GPHN: variants seen among roughly 807,000 people sequenced by gnomAD.
The protein encoded by GPHN is gephyrin.
Under a neutral mutation model 95.5 loss-of-function variants are expected in GPHN, and 17 were observed. The observed-to-expected ratio is 0.18, with a 90% CI of 0.12 to 0.27. The LOEUF is 0.27. GPHN is among the 10% of genes least tolerant of loss of function. The probability of loss-of-function intolerance (pLI) is 1.00; values close to 1 mark genes in which losing one functional copy is unlikely to be tolerated. For synonymous variants in GPHN, 320 were observed against 322.5 expected, an observed-to-expected ratio of 0.99 and a Z score of 0.08; for missense variants, 660 against 978.1, an observed-to-expected ratio of 0.67 and a Z score of 4.34.
At chr14:66,835,952 C>G (rs1288371161) in intron 4 of GPHN, among the ~76,000 whole-genome samples, 1 of 143,772 alleles carries the variant, frequency 7.0e-6, no homozygotes, top group African/African-American at 2.7e-5. Flanking sequence ...AGGATACAAA[C>G]AAATGGAAGA....
At chr14:66,580,365 A>G (rs1220052392) in intron 1 of GPHN, among the ~76,000 whole-genome samples, 1 of 151,862 alleles carries the variant, frequency 6.6e-6, no homozygotes, top group Non-Finnish European at 1.5e-5. Flanking sequence ...CAGAGCAGAA[A>G]TAAATGAAGT....
At chr14:67,156,301 T>C (rs889020466) in intron 18 of GPHN, among the ~76,000 whole-genome samples, 2 of 152,062 alleles carry the variant, frequency 1.3e-5, no homozygotes, top group Non-Finnish European at 2.9e-5. Context: ...AAAATACATA[T>C]ACTTAAAATA....
rs1400807485 is a variant in GPHN, at chr14:66,986,374, A to T, written c.963+21049A>T. On this transcript the variant is annotated intron_variant, in intron 9 of 22. Transcript: ENST00000478722. Reference sequence around the variant, plus strand: ...TACAACAATCAACAGAACCAGATACATACCTAAATGTTTGTCCATTTGTGT... The same window carrying T: ...TACAACAATCAACAGAACCAGATACTTACCTAAATGTTTGTCCATTTGTGT... Among the ~76,000 whole-genome samples the T allele has an allele frequency of 2.6e-5, 4 of 152,260 alleles. No individual in the cohort carries two copies. The East Asian group carries it at 5.8e-4, about 22-fold the overall frequency.
the GPHN span, among the ~76,000 whole-genome samples, chr14:67,708,806 TTTTTTG>T: frequency 6.6e-6 from 1 of 151,604 alleles, no homozygotes; most frequent in Middle Eastern, 3.4e-3. Context: ...TTTTTTTTTT[TTTTTTG>T]AGAGGGAGTC....
At chr14:67,247,787 C>T in the GPHN span, among the ~76,000 whole-genome samples, 4 of 152,058 alleles carry the variant, frequency 2.6e-5, no homozygotes, top group African/African-American at 9.7e-5. Flanking sequence ...CCATGTTGCC[C>T]AGGCTGGTCT....
the GPHN span, chr14:67,198,149 A>T: frequency 6.2e-7 from 1 of 1,605,916 alleles, no homozygotes; most frequent in Admixed American, 1.7e-5. Context: ...TTTTATGTTT[A>T]TGTGCAAGCG....
At chr14:66,980,322 G>A (rs189149520) in intron 9 of GPHN, among the ~76,000 whole-genome samples, 7 of 152,234 alleles carry the variant, frequency 4.6e-5, no homozygotes, top group African/African-American at 1.4e-4. Flanking sequence ...GGCTAAGCCA[G>A]TCTCTTCTTA....
chr14:67,484,742 A>T, the GPHN span, among the ~76,000 whole-genome samples: 1 of 152,140 alleles, frequency 6.6e-6, no homozygotes, highest in East Asian at 1.9e-4. Context: ...TGGGCAACAT[A>T]GTGAGACCTC....
At position 67,144,247 on chromosome 14, in the gene GPHN, A is replaced by T. The variant is rs1567400019; in HGVS notation, c.1836+798A>T. Among the ~76,000 whole-genome samples, 258 of 68,470 alleles carry T rather than the reference A, an allele frequency of 3.8e-3. 24 individuals carry two copies. Among genetic ancestry groups the T allele is most frequent in the African/African-American group, 0.036 (243 of 6,674 alleles). The allele number at this position is 68,470 out of a possible 152,430, so 44.9% of individuals were successfully genotyped here. ...GCAAGACCCTGTCTTAAAAAAAAAA[A>T]AAAATATATATATATATATATATAT... On this transcript the variant is annotated intron_variant, in intron 18 of 22. Transcript: ENST00000478722.
chr14:67,102,386 C>T (rs1282937501), intron 13 of GPHN, among the ~76,000 whole-genome samples: 1 of 151,764 alleles, frequency 6.6e-6, no homozygotes, highest in Non-Finnish European at 1.5e-5. Context: ...TGGCAGCGGG[C>T]GTGGTGGCTC....
Position 66,648,314 on chromosome 14 carries a change from G to A in GPHN, c.65-32793G>A, listed in dbSNP as rs1297989361. On this transcript the variant is annotated intron_variant, in intron 1 of 22. Transcript: ENST00000478722. ...AATATTACTGTAAATCATTGTACATGTATTAGTCCTTATGGATTTCTTTGC... is the reference window on the plus strand; with the variant it reads ...AATATTACTGTAAATCATTGTACATATATTAGTCCTTATGGATTTCTTTGC... Among the ~76,000 whole-genome samples the A allele has an allele frequency of 3.3e-5, 5 of 152,252 alleles. No homozygotes were observed. In the East Asian group the frequency reaches 5.8e-4, roughly 18 times the overall value.
intron 1 of GPHN, among the ~76,000 whole-genome samples, chr14:66,569,947 A>G (rs1037266708): frequency 6.6e-6 from 1 of 151,810 alleles, no homozygotes; most frequent in African/African-American, 2.4e-5. Context: ...CCTCAATCTC[A>G]TCCTCCATCC....
At chr14:67,079,472 A>G (rs117796783) in intron 11 of GPHN, among the ~76,000 whole-genome samples, 1,836 of 152,204 alleles carry the variant, frequency 0.012, 19 homozygotes, top group Non-Finnish European at 0.018. Context: ...TCCTGTTTCT[A>G]TAAATTTGCC....
At chr14:67,666,306 T>C in the GPHN span, among the ~76,000 whole-genome samples, 1 of 152,246 alleles carries the variant, frequency 6.6e-6, no homozygotes, top group Admixed American at 6.5e-5. Context: ...ATTCCAGGAA[T>C]GTAACTACAT....
intron 4 of GPHN, among the ~76,000 whole-genome samples, chr14:66,826,424 C>G (rs561642033): frequency 6.6e-6 from 1 of 152,132 alleles, no homozygotes; most frequent in Non-Finnish European, 1.5e-5. Flanking sequence ...AATTCTGACA[C>G]TACCTACCAG....
the GPHN span, among the ~76,000 whole-genome samples, chr14:67,527,568 G>A: frequency 6.6e-6 from 1 of 152,198 alleles, no homozygotes. Flanking sequence ...TGTTTGCAGT[G>A]CCCTGCAATG....
chr14:67,163,677 G>T (rs1240945295), intron 19 of GPHN, among the ~76,000 whole-genome samples: 1 of 152,046 alleles, frequency 6.6e-6, no homozygotes, highest in African/African-American at 2.4e-5. Flanking sequence ...AAGAGTGAGA[G>T]ATCTATTTTT....
At chr14:67,164,740 C>T (rs887881438) in intron 19 of GPHN, among the ~76,000 whole-genome samples, 18 of 152,098 alleles carry the variant, frequency 1.2e-4, no homozygotes, top group Admixed American at 1.0e-3. Context: ...GATCCACCCC[C>T]CTCAGCCTCC....
the GPHN span, among the ~76,000 whole-genome samples, chr14:67,676,435 G>T: frequency 0.028 from 4,192 of 152,166 alleles, 206 homozygotes; most frequent in African/African-American, 0.096. Flanking sequence ...TGCAAAAAAA[G>T]GATCAATAGC....
Sources: gnomAD v4.1 joint callset for allele counts (sites outside exome capture counted in the v4.1 genomes callset) on GRCh38, gnomAD v4.1.1 for gene constraint, MANE v1.5 for transcripts, NCBI Gene and HGNC (gene_info 2026-07-23, HGNC 2026-07-21) for gene names.